SMS: variants seen among roughly 807,000 people sequenced by gnomAD.
The protein encoded by SMS is spermine synthase, also known as spermidine aminopropyltransferase.
SMS carries 3 observed loss-of-function variants against 33.0 expected under a neutral mutation model. The ratio of observed to expected loss-of-function variants is 0.09; its 90% CI spans 0.04 to 0.23. SMS has a LOEUF of 0.23. SMS is among the 10% of genes least tolerant of loss of function. SMS has a pLI of 1.00. For synonymous variants in SMS, 103 were observed against 112.2 expected, an observed-to-expected ratio of 0.92 and a Z score of 0.52; for missense variants, 117 against 288.6, an observed-to-expected ratio of 0.41 and a Z score of 4.31.
intron 1 of SMS, among the ~76,000 whole-genome samples, chrX:21,954,699 G>A (rs1003821071): frequency 1.8e-5 from 2 of 111,896 alleles, no homozygotes; most frequent in African/African-American, 6.5e-5. Flanking sequence ...TCAGCGACAT[G>A]TGTATCAAGT....
intron 1 of SMS, among the ~76,000 whole-genome samples, chrX:21,948,231 A>G: frequency 9.0e-6 from 1 of 111,227 alleles, no homozygotes; most frequent in East Asian, 2.8e-4. Flanking sequence ...TTTCTACTTC[A>G]TATCTGTAAT....
chrX:21,986,429 C>G (rs1190819541), intron 9 of SMS, among the ~76,000 whole-genome samples: 1 of 108,057 alleles, frequency 9.3e-6, no homozygotes, highest in Non-Finnish European at 1.9e-5. Flanking sequence ...TGTCTGCCAG[C>G]AGACCCTATC....
At chrX:21,941,177 C>G (rs1203323737) in intron 1 of SMS, 1 of 112,737 alleles carries the variant, frequency 8.9e-6, no homozygotes, top group Admixed American at 9.2e-5. Flanking sequence ...CACCCGCGCT[C>G]CCACGCGGGC....
At chrX:21,969,269 T>C (rs1923955220) in intron 2 of SMS, among the ~76,000 whole-genome samples, 1 of 112,141 alleles carries the variant, frequency 8.9e-6, no homozygotes, top group Non-Finnish European at 1.9e-5. Context: ...TATTTCTAAC[T>C]GTGTAGCAAA....
intron 2 of SMS, among the ~76,000 whole-genome samples, chrX:21,967,638 C>T (rs1181501636): frequency 8.9e-6 from 1 of 111,812 alleles, no homozygotes. Context: ...CTTACTCCCC[C>T]AAGGGCAGCT....
At chrX:21,970,305 A>G (rs1008390718) in intron 2 of SMS, among the ~76,000 whole-genome samples, 1 of 107,330 alleles carries the variant, frequency 9.3e-6, no homozygotes, top group African/African-American at 3.4e-5. Context: ...TCCCCCCTCT[A>G]TTTCTGGTTT....
chrX:21,942,862 T>C (rs1921918576), intron 1 of SMS, among the ~76,000 whole-genome samples: 1 of 100,148 alleles, frequency 1.0e-5, no homozygotes, highest in Non-Finnish European at 2.0e-5. Flanking sequence ...AATTCTGAGA[T>C]GGAGTCTCAC....
intron 7 of SMS, among the ~76,000 whole-genome samples, chrX:21,983,080 G>C (rs1925080519): frequency 9.0e-6 from 1 of 111,258 alleles, no homozygotes; most frequent in African/African-American, 3.3e-5. Context: ...TGTCACTCAG[G>C]CTGGAGCACA....
intron 9 of SMS, among the ~76,000 whole-genome samples, chrX:21,989,859 C>G (rs1440651854): frequency 9.0e-6 from 1 of 110,969 alleles, no homozygotes; most frequent in Non-Finnish European, 1.9e-5. Flanking sequence ...TCTCCTGCCT[C>G]AGCCTTCCGA....
intron 1 of SMS, among the ~76,000 whole-genome samples, chrX:21,944,544 A>AAAAAAAAAAAAAAAAGAAAAG (rs1555992699): frequency 2.0e-5 from 2 of 99,044 alleles, no homozygotes; most frequent in African/African-American, 3.8e-5. Context: ...AAAAAAAAAA[A>AAAAAAAAAAAAAAAAGAAAAG]AGAAAAAAAA....
chrX:21,960,322 C>A (rs1378817668), intron 1 of SMS, among the ~76,000 whole-genome samples: 2 of 110,021 alleles, frequency 1.8e-5, no homozygotes, highest in African/African-American at 6.6e-5. Flanking sequence ...AATAGAAATT[C>A]ATCTCCCAAT....
chrX:21,967,332 T>A lies in SMS; in HGVS notation c.170+16T>A. ...AGAACGGCAGGTGAGCAGTCTCCAG[T>A]GCTGTTCTTCATACCTGGTCACTTA... On this transcript the variant is annotated intron_variant, in intron 2 of 10. Coordinates refer to ENST00000404933, the MANE Select transcript of SMS (RefSeq NM_004595.5). The A allele has an allele frequency of 8.3e-7, 1 of 1,206,881 alleles. No individual in the cohort carries two copies. Among genetic ancestry groups the A allele is most frequent in the Non-Finnish European group, 1.1e-6 (1 of 892,257 alleles).
rs749565076 is a variant in SMS, at chrX:21,946,518, T to G, written c.49+5645T>G. The stretch of plus-strand genomic sequence containing the variant: ...TAGGCCTAATCTTGAGGTTTTTTAC[T>G]TTTTGAGTGGCAGAGCTGGAATTCA... On this transcript the variant is annotated intron_variant, in intron 1 of 10. Transcript: ENST00000404933. 1.5e-4 allele frequency among the ~76,000 whole-genome samples: 17 copies of G among 112,067 alleles called. No individual in the cohort carries two copies. The East Asian group carries it at 4.2e-3, about 28-fold the overall frequency.
intron 10 of SMS, 63 bp downstream of exon 10, chrX:21,992,775 G>T (rs1045400949): frequency 6.4e-5 from 42 of 653,130 alleles, no homozygotes; most frequent in Admixed American, 3.1e-4. Context: ...ATATGCCAAT[G>T]AAAAAATTTA....
chrX:21,967,618 A>C lies in SMS; in HGVS notation c.170+302A>C, dbSNP rs7050034. On this transcript the variant is annotated intron_variant, in intron 2 of 10. Coordinates refer to ENST00000404933, the MANE Select transcript of SMS (RefSeq NM_004595.5). ...GGCATAAGGGAGGCAGCCCAGGAAA[A>C]GTTTTGTGGCTTACTCCCCCAAGGG... is the stretch of plus-strand genomic sequence containing the variant. 0.16 allele frequency among the ~76,000 whole-genome samples: 18,188 copies of C among 110,981 alleles called. 2,427 individuals carry two copies. The highest frequency in any genetic ancestry group is 0.45 in the African/African-American group (13,679 of 30,242).
chrX:21,941,816 C>T (rs1248260250), intron 1 of SMS, among the ~76,000 whole-genome samples: 2 of 88,805 alleles, frequency 2.3e-5, no homozygotes, highest in African/African-American at 8.7e-5. Flanking sequence ...ACCTGGGAGG[C>T]GGAGGTTGCA....
rs951806064 is a variant in SMS, at chrX:21,957,381, C to T, written c.50-9815C>T. ...GCACCGTCTCGGCTCACTGCAACCT[C>T]CACCTCCTGAGTTCAAGCAATTCTC... On this transcript the variant is annotated intron_variant, in intron 1 of 10. Transcript: ENST00000404933. Among the ~76,000 whole-genome samples, 25 of 110,117 alleles carry T rather than the reference C, an allele frequency of 2.3e-4. 1 individual carries two copies. The highest frequency in any genetic ancestry group is 2.2e-3 in the Admixed American group (23 of 10,333).
At chrX:21,980,435 T>TAG in intron 7 of SMS, among the ~76,000 whole-genome samples, 1 of 59,651 alleles carries the variant, frequency 1.7e-5, no homozygotes, top group South Asian at 8.8e-4. Flanking sequence ...AAAAAATATA[T>TAG]ATATATATAT....
At chrX:21,973,560 G>A (rs1286819142) in intron 4 of SMS, among the ~76,000 whole-genome samples, 1 of 112,751 alleles carries the variant, frequency 8.9e-6, no homozygotes, top group East Asian at 2.8e-4. Flanking sequence ...CGACAGGGTG[G>A]GGTGATAAGA....
Sources: gnomAD v4.1 joint callset for allele counts (sites outside exome capture counted in the v4.1 genomes callset) on GRCh38, gnomAD v4.1.1 for gene constraint, MANE v1.5 for transcripts, NCBI Gene and HGNC (gene_info 2026-07-23, HGNC 2026-07-21) for gene names.